MTHFD1L: variants seen among roughly 807,000 people sequenced by gnomAD.
MTHFD1L encodes methylenetetrahydrofolate dehydrogenase (NADP+ dependent) 1 like, also known as monofunctional C1-tetrahydrofolate synthase, mitochondrial.
A neutral mutation model predicts 119.5 loss-of-function variants in MTHFD1L; 81 were observed. That is an observed-to-expected ratio of 0.68 (90% CI 0.57 to 0.82). The LOEUF (loss-of-function observed/expected upper bound fraction) is 0.82, where lower values mean the gene tolerates loss of function less well. Among genes scored for constraint, MTHFD1L ranks in the 40% least tolerant of loss-of-function variants. MTHFD1L has a pLI of 0.00. For missense variants in MTHFD1L, 1,125 were observed against 1,253.4 expected (o/e 0.90, Z 1.55); for synonymous variants, 430 against 475.2 (o/e 0.90, Z 1.24).
intron 26 of MTHFD1L, among the ~76,000 whole-genome samples, chr6:151,087,846 T>C (rs150519033): frequency 2.3e-4 from 35 of 152,348 alleles, no homozygotes; most frequent in African/African-American, 7.0e-4. Context: ...TAGTTAAAAT[T>C]AGGGTCATGA....
At chr6:151,032,320 C>A (rs117688046) in intron 24 of MTHFD1L, among the ~76,000 whole-genome samples, 3,955 of 152,218 alleles carry the variant, frequency 0.026, 74 homozygotes, top group Non-Finnish European at 0.038. Flanking sequence ...CCACTCAGGG[C>A]AGAAGGTGAA....
intron 8 of MTHFD1L, among the ~76,000 whole-genome samples, chr6:150,908,982 A>G (rs1054604942): frequency 1.3e-5 from 2 of 152,096 alleles, no homozygotes; most frequent in African/African-American, 2.4e-5. Context: ...TTATAATGAA[A>G]TTTTTATTCT....
chr6:150,986,999 G>A (rs1358347545), intron 20 of MTHFD1L, among the ~76,000 whole-genome samples: 2 of 152,148 alleles, frequency 1.3e-5, no homozygotes. Context: ...ACCGCGCCTG[G>A]CTGGGGACCT....
In MTHFD1L at chr6:150,871,798, G is replaced by A. The variant is rs554761658; in HGVS notation, c.228-4292G>A. 1.3e-4 allele frequency among the ~76,000 whole-genome samples: 20 copies of A among 150,328 alleles called. No individual in the cohort carries two copies. In the East Asian group the frequency reaches 3.7e-3, roughly 28 times the overall value. ...ATTACAGGTGTGAGCCACTGTGCCT[G>A]CCTAACTACTGTAATCTTATAAATC... On this transcript the variant is annotated intron_variant, in intron 1 of 27. Coordinates refer to ENST00000367321, the MANE Select transcript of MTHFD1L (RefSeq NM_015440.5).
intron 20 of MTHFD1L, among the ~76,000 whole-genome samples, chr6:150,975,749 C>A (rs2129028947): frequency 6.6e-6 from 1 of 152,310 alleles, no homozygotes; most frequent in African/African-American, 2.4e-5. Context: ...GAAGCTTTGG[C>A]ATGAAATGGT....
intron 8 of MTHFD1L, among the ~76,000 whole-genome samples, chr6:150,913,199 C>T (rs1249526947): frequency 6.6e-6 from 1 of 151,896 alleles, no homozygotes; most frequent in Non-Finnish European, 1.5e-5. Flanking sequence ...CTCGCTCCCT[C>T]CCCCAGGCTG....
chr6:150,999,444 TG>T (rs1199230619), intron 20 of MTHFD1L, among the ~76,000 whole-genome samples: 1 of 152,164 alleles, frequency 6.6e-6, no homozygotes, highest in Non-Finnish European at 1.5e-5. Flanking sequence ...TAACCAGGAT[TG>T]GGGAACACCA....
chr6:150,868,514 T>G (rs1346668162), intron 1 of MTHFD1L, among the ~76,000 whole-genome samples: 1 of 151,642 alleles, frequency 6.6e-6, no homozygotes, highest in Non-Finnish European at 1.5e-5. Context: ...TTATTTTGTG[T>G]TTTTAGTAGA....
At chr6:151,062,203 G>A (rs572157557) in intron 26 of MTHFD1L, among the ~76,000 whole-genome samples, 6 of 152,216 alleles carry the variant, frequency 3.9e-5, no homozygotes, top group African/African-American at 9.6e-5. Flanking sequence ...TTGGAAGGCC[G>A]AGGCGAGCGG....
At chr6:150,907,978 A>G (rs1006933961) in intron 8 of MTHFD1L, among the ~76,000 whole-genome samples, 4 of 150,260 alleles carry the variant, frequency 2.7e-5, no homozygotes, top group African/African-American at 9.8e-5. Context: ...GCTCACTGCA[A>G]CCTCCACCTT....
chr6:150,911,863 C>A (rs984815488), intron 8 of MTHFD1L, among the ~76,000 whole-genome samples: 1 of 152,042 alleles, frequency 6.6e-6, no homozygotes, highest in Non-Finnish European at 1.5e-5. Flanking sequence ...TCTCATGAGA[C>A]GTATTTACTA....
At chr6:150,912,877 G>A (rs1787164036) in intron 8 of MTHFD1L, 1 of 174,892 alleles carries the variant, frequency 5.7e-6, no homozygotes, top group South Asian at 1.3e-4. Flanking sequence ...GCCCCTACAC[G>A]GGCAGGGGGT....
At chr6:150,948,798 GCC>G (rs1583734841) in intron 15 of MTHFD1L, among the ~76,000 whole-genome samples, 15 of 83,294 alleles carry the variant, frequency 1.8e-4, no homozygotes, top group South Asian at 7.2e-4. Flanking sequence ...GCGCCACCAT[GCC>G]CAGCTAATTT....
chr6:150,925,251 C>T lies in MTHFD1L; in HGVS notation c.1083-871C>T, dbSNP rs368107366. On this transcript the variant is annotated intron_variant, in intron 10 of 27. Transcript: ENST00000367321. ...GATGCAACCTTTAAGGGTAGTCCCCCGCCGCGTGGTCTCCCGGGGTTAGTC... is the reference window on the plus strand; with the variant it reads ...GATGCAACCTTTAAGGGTAGTCCCCTGCCGCGTGGTCTCCCGGGGTTAGTC... Among the ~76,000 whole-genome samples the T allele has an allele frequency of 1.1e-4, 16 of 152,250 alleles. 1 individual carries two copies. Among genetic ancestry groups the T allele is most frequent in the East Asian group, 9.7e-4 (5 of 5,172 alleles).
At chr6:151,030,392 C>G (rs1785167032) in intron 24 of MTHFD1L, among the ~76,000 whole-genome samples, 1 of 152,208 alleles carries the variant, frequency 6.6e-6, no homozygotes, top group South Asian at 2.1e-4. Flanking sequence ...GCCCGGAGAA[C>G]ACACCCTTCT....
chr6:150,891,176 G>A (rs535159008), intron 7 of MTHFD1L, among the ~76,000 whole-genome samples: 277 of 152,166 alleles, frequency 1.8e-3, no homozygotes, highest in African/African-American at 6.5e-3. Flanking sequence ...AGTAGAGACA[G>A]GGTTTCACCA....
intron 11 of MTHFD1L, among the ~76,000 whole-genome samples, chr6:150,935,816 A>G (rs542537773): frequency 1.4e-4 from 21 of 152,228 alleles, no homozygotes; most frequent in Non-Finnish European, 2.8e-4. Flanking sequence ...CCAAGCAAGG[A>G]TAGTAAATTG....
chr6:150,877,430 A>T (rs1276202970), intron 2 of MTHFD1L, among the ~76,000 whole-genome samples: 1 of 152,226 alleles, frequency 6.6e-6, no homozygotes, highest in African/African-American at 2.4e-5. Flanking sequence ...TCCTTAAAAA[A>T]GTGACATAAT....
At chr6:150,905,129 G>A (rs1785686906) in intron 7 of MTHFD1L, among the ~76,000 whole-genome samples, 2 of 149,304 alleles carry the variant, frequency 1.3e-5, no homozygotes, top group Non-Finnish European at 1.5e-5. Flanking sequence ...TGCCTCCTGG[G>A]TTCAAGTGAT....
Sources: allele counts gnomAD v4.1 joint callset (sites outside exome capture counted in the v4.1 genomes callset), GRCh38; gene constraint gnomAD v4.1.1; transcripts MANE v1.5; gene names NCBI Gene and HGNC (gene_info 2026-07-23, HGNC 2026-07-21).